Variants in ZNF669 observed in about 807,000 individuals in gnomAD.
ZNF669 encodes zinc finger protein 669.
ZNF669 carries 7 observed loss-of-function variants against 11.4 expected under a neutral mutation model. That is an observed-to-expected ratio of 0.62 (90% confidence interval 0.35 to 1.16). The LOEUF is 1.16. Ranked by LOEUF, ZNF669 falls within the 50% of genes most tolerant of loss-of-function variation. ZNF669 has a pLI of 0.02. For synonymous variants in ZNF669, 153 were observed against 155.8 expected (o/e 0.98, Z 0.13); for missense variants, 492 against 463.6 (o/e 1.06, Z -0.56).
Position 247,101,177 on chromosome 1 carries a change from A to T in ZNF669, c.334T>A (p.Phe112Ile), listed in dbSNP as rs1391450909. 8 of 1,614,124 alleles carry T rather than the reference A, an allele frequency of 5.0e-6. 1 individual carries two copies. In the South Asian group the frequency reaches 8.8e-5, roughly 18 times the overall value. The change falls in exon 4 of 4, where the codon TTT becomes ATT. Residue 112 changes from phenylalanine to isoleucine, a missense_variant. Physicochemically the swap from Phe to Ile is conservative, Grantham distance 21. Transcript: ENST00000448299. ...CTATTAAGGAGGGAATGACGTACAA[A>T]GACTTTTCCACAAATACTGCATTCA... is the stretch of plus-strand genomic sequence containing the variant. ...PCECSICGKV[F>I]VRHSLLNRHI...
Position 247,102,053 on chromosome 1 carries a change from C to A in ZNF669, c.64G>T (p.Asp22Tyr), listed in dbSNP as rs1189287100. The A allele has an allele frequency of 1.9e-6, 3 of 1,613,534 alleles. No individual in the cohort carries two copies. In the Admixed American group the frequency reaches 5.0e-5, roughly 27 times the overall value. The change falls in exon 2 of 4, where the codon GAT becomes TAT. Residue 22 changes from aspartate to tyrosine, a missense_variant. Asp to Tyr is a radical substitution (Grantham distance 160). Coordinates refer to ENST00000448299, the MANE Select transcript of ZNF669 (RefSeq NM_001142572.2). ...NFTQEEWALL[D>Y]SSQKNLYREV... ...CTGTAGAGATTCTTCTGAGAAGAAT[C>A]TAGCAAAGCCCATTCCTCCTGGGTA...
Position 247,100,490 on chromosome 1 carries a change from A to G in ZNF669, c.1021T>C (p.Tyr341His). ...PYECKKCGKA[Y>H]TRSSHLTRHE... is the part of the protein sequence containing the mutation. The stretch of plus-strand genomic sequence containing the variant: ...CGAGTAAGGTGACTGGAACGAGTGT[A>G]GGCTTTACCGCATTTCTTACATTCA... The change falls in exon 4 of 4, where the codon TAC becomes CAC. Residue 341 changes from tyrosine (Y) to histidine (H), a missense_variant. By Grantham distance (83) the Tyr-to-His change is moderately conservative. Coordinates refer to ENST00000448299, the MANE Select transcript of ZNF669 (RefSeq NM_001142572.2). 6.2e-7 allele frequency: 1 copy of G among 1,614,222 alleles called. No homozygotes were observed. The highest frequency in any genetic ancestry group is 8.5e-7 in the Non-Finnish European group (1 of 1,180,042).
Position 247,100,501 on chromosome 1 carries a change from C to T in ZNF669, c.1010G>A (p.Cys337Tyr). The change falls in exon 4 of 4, where the codon TGC becomes TAC. Residue 337 changes from cysteine (C) to tyrosine (Y), a missense_variant. Cys to Tyr is a radical substitution (Grantham distance 194, BLOSUM62 -2). Transcript: ENST00000448299. ...TGEKPYECKKCGKAYTRSSHL... is the reference protein window; with the variant it reads ...TGEKPYECKKYGKAYTRSSHL... ...ACTGGAACGAGTGTAGGCTTTACCG[C>T]ATTTCTTACATTCATAGGGTTTTTC... The T allele has an allele frequency of 2.5e-6, 4 of 1,614,194 alleles. No individual in the cohort carries two copies. The highest frequency in any genetic ancestry group is 2.5e-6 in the Non-Finnish European group (3 of 1,180,040).
chr1:247,103,490 T>G (rs1402307031), intron 1 of ZNF669, among the ~76,000 whole-genome samples: 2 of 151,638 alleles, frequency 1.3e-5, no homozygotes. Context: ...AAAAATTAGC[T>G]GGGCGTGGTG....
intron 1 of ZNF669, among the ~76,000 whole-genome samples, chr1:247,103,163 A>C (rs771612286): frequency 1.3e-5 from 2 of 152,240 alleles, no homozygotes; most frequent in Non-Finnish European, 2.9e-5. Flanking sequence ...ATGAGCAAGC[A>C]GACCAAGGGC....
rs765902526 is a variant in ZNF669 at position 247,101,149 on chromosome 1, T to C, written c.362A>G (p.His121Arg). ...TTTGTATCCTGAGTGAGCTAGGATA[T>C]GCCTATTAAGGAGGGAATGACGTAC... ...VFVRHSLLNR[H>R]ILAHSGYKPY... The change falls in exon 4 of 4, where the codon CAT (histidine) becomes CGT (arginine). Residue 121 changes from histidine to arginine, a missense_variant. By Grantham distance (29) the His-to-Arg change is conservative (BLOSUM62 0). Coordinates refer to ENST00000448299, the MANE Select transcript of ZNF669 (RefSeq NM_001142572.2). 7 of 1,614,014 alleles carry C rather than the reference T, an allele frequency of 4.3e-6. No homozygotes were observed. In the East Asian group the frequency reaches 1.6e-4, roughly 36 times the overall value.
intron 1 of ZNF669, chr1:247,103,861 C>T: frequency 6.8e-7 from 1 of 1,471,654 alleles, no homozygotes; most frequent in Non-Finnish European, 9.0e-7. Context: ...ACCACAGCTC[C>T]TCCCATGCTG....
At position 247,101,175 on chromosome 1, in the gene ZNF669, A is replaced by G. The variant is rs1366529032; in HGVS notation, c.336T>C (p.Phe112=). Reference sequence around the variant, plus strand: ...GCCTATTAAGGAGGGAATGACGTACAAAGACTTTTCCACAAATACTGCATT... The same window carrying G: ...GCCTATTAAGGAGGGAATGACGTACGAAGACTTTTCCACAAATACTGCATT... ...PCECSICGKV[F]VRHSLLNRHI... is the part of the protein sequence containing the mutation. The change falls in exon 4 of 4, where the codon TTT becomes TTC. Residue 112 remains phenylalanine (F), a synonymous_variant. Coordinates refer to ENST00000448299, the MANE Select transcript of ZNF669 (RefSeq NM_001142572.2). 1.9e-6 allele frequency: 3 copies of G among 1,614,134 alleles called. No homozygotes were observed. The highest frequency in any genetic ancestry group is 2.5e-6 in the Non-Finnish European group (3 of 1,180,010).
intron 1 of ZNF669, chr1:247,103,787 T>G: frequency 9.1e-7 from 1 of 1,101,684 alleles, no homozygotes; most frequent in Non-Finnish European, 1.3e-6. Context: ...ACACACGGTT[T>G]AACGTTTTAA....
chr1:247,100,107 C>G lies in ZNF669; in HGVS notation c.*267G>C. 3.1e-6 allele frequency: 1 copy of G among 326,196 alleles called. No individual in the cohort carries two copies. Among genetic ancestry groups the G allele is most frequent in the Non-Finnish European group, 5.6e-6 (1 of 177,664 alleles). The allele number at this position is 326,196 out of a possible 1,614,324, so 20.2% of individuals were successfully genotyped here. A position where few individuals can be genotyped will look rare whatever the true frequency, so the allele number is the denominator to read the frequency against. On this transcript the variant is annotated 3_prime_UTR_variant, in exon 4 of 4. Transcript: ENST00000448299. ...TCATGCCATTCTCCTGCCTCAGCCT[C>G]CCGAGTAACTGGGACCACAGGCGTC...
chr1:247,102,176 C>A, intron 1 of ZNF669, 63 bp from the exon 2 acceptor site: 17 of 1,511,060 alleles, frequency 1.1e-5, no homozygotes, highest in Non-Finnish European at 1.4e-5. Flanking sequence ...GGAATCTATA[C>A]TCAATTCATA....
At position 247,101,782 on chromosome 1, in the gene ZNF669, C is replaced by T. The variant is rs1380839004; in HGVS notation, c.140G>A (p.Trp47Ter). ...CRNLASVGSQWKDQNIEDHFE... is the reference protein window; with the variant it reads ...CRNLASVGSQ ...GTGATCTTCAATATTCTGGTCTTTC[C>T]ATTGGCTTCCTAAAATGCAGACCCA... Residue 47 changes from tryptophan (W) to a stop codon, truncating the protein, a stop_gained, in exon 3 of 4, where the codon TGG becomes TAG. Coordinates refer to ENST00000448299, the MANE Select transcript of ZNF669 (RefSeq NM_001142572.2). LOFTEE classifies it high-confidence loss of function. 1.2e-6 allele frequency: 2 copies of T among 1,613,636 alleles called. No homozygotes were observed. The highest frequency in any genetic ancestry group is 1.7e-6 in the Non-Finnish European group (2 of 1,179,942).
intron 3 of ZNF669, 28 bp from the exon 4 acceptor site, chr1:247,101,347 ATTGG>A (rs751046932): frequency 3.3e-6 from 5 of 1,523,592 alleles, no homozygotes; most frequent in Non-Finnish European, 1.7e-6. Flanking sequence ...GCACATTATT[ATTGG>A]TTGGTTTATT....
Position 247,104,270 on chromosome 1 carries a change from G to C in ZNF669, c.-71C>G. 1 of 1,459,988 alleles carries C rather than the reference G, an allele frequency of 6.8e-7. No individual in the cohort carries two copies. Among genetic ancestry groups the C allele is most frequent in the Non-Finnish European group, 9.0e-7 (1 of 1,107,596 alleles). The allele number at this position is 1,459,988 out of a possible 1,614,324, so 90.4% of individuals were successfully genotyped here. ...TACTCGCAGGTCACAGGGTGGCAGA[G>C]GCTGCTGCAGAGCCACCTGGGCCTC... On this transcript the variant is annotated 5_prime_UTR_variant, in exon 1 of 4. Coordinates refer to ENST00000448299, the MANE Select transcript of ZNF669 (RefSeq NM_001142572.2).
In ZNF669 at chr1:247,104,164, TC is replaced by T. The variant is rs1254261573; in HGVS notation, c.3+32del. The T allele has an allele frequency of 3.9e-6, 6 of 1,538,658 alleles. No homozygotes were observed. The African/African-American group carries it at 6.9e-5, about 18-fold the overall frequency. On this transcript the variant is annotated intron_variant, in intron 1 of 3. Transcript: ENST00000448299. The stretch of plus-strand genomic sequence containing the variant: ...CAGCAGGTTTCAACCAGCCCTCTTC[TC>T]CACTTCGGGAAGCCAGGCGCAGTCC...
At chr1:247,102,433 C>A (rs1420729574) in intron 1 of ZNF669, among the ~76,000 whole-genome samples, 1 of 152,202 alleles carries the variant, frequency 6.6e-6, no homozygotes, top group African/African-American at 2.4e-5. Context: ...AAAGTCCTAC[C>A]TGATGTGCAT....
At chr1:247,102,413 C>T (rs527637886) in intron 1 of ZNF669, among the ~76,000 whole-genome samples, 1 of 152,214 alleles carries the variant, frequency 6.6e-6, no homozygotes, top group Non-Finnish European at 1.5e-5. Flanking sequence ...TTTCTAGTAT[C>T]TGCCATAATA....
intron 3 of ZNF669, 95 bp downstream of exon 3, chr1:247,101,636 A>G (rs893273026): frequency 8.3e-7 from 1 of 1,202,664 alleles, no homozygotes; most frequent in Non-Finnish European, 1.2e-6. Context: ...ATAAATTTCA[A>G]GTGACTCTTA....
Position 247,100,827 on chromosome 1 carries a change from T to C in ZNF669, c.684A>G (p.Thr228=), listed in dbSNP as rs1156359371. 3 of 1,613,994 alleles carry C rather than the reference T, an allele frequency of 1.9e-6. No individual in the cohort carries two copies. Among genetic ancestry groups the C allele is most frequent in the African/African-American group, 2.7e-5 (2 of 75,030 alleles). Reference sequence around the variant, plus strand: ...TCTTAAAAGAACAAGAAAATCTGAATGTTTTCCCACATTCCTTACATTCGT... The same window carrying C: ...TCTTAAAAGAACAAGAAAATCTGAACGTTTTCCCACATTCCTTACATTCGT... ...KPYECKECGK[T]FRFSCSFKTH... Residue 228 remains threonine, a synonymous_variant, in exon 4 of 4, where the codon ACA becomes ACG. Transcript: ENST00000448299.
Sources: allele counts gnomAD v4.1 joint callset (sites outside exome capture counted in the v4.1 genomes callset), GRCh38; gene constraint gnomAD v4.1.1; transcripts MANE v1.5; gene names NCBI Gene and HGNC (gene_info 2026-07-23, HGNC 2026-07-21).